SVIL: variants seen among roughly 807,000 people sequenced by gnomAD.
The protein encoded by SVIL is archvillin.
In SVIL, 101 loss-of-function variants were observed where a neutral mutation model predicts 240.4. That is an observed-to-expected ratio of 0.42 (90% confidence interval 0.36 to 0.50). SVIL has a LOEUF of 0.50. Among genes scored for constraint, SVIL ranks in the 20% least tolerant of loss-of-function variants. SVIL has a pLI of 0.01. For missense variants in SVIL, 2,512 were observed against 2,818.7 expected (o/e 0.89, Z 2.46); for synonymous variants, 999 against 1,100.0 (o/e 0.91, Z 1.82).
intron 36 of SVIL, among the ~76,000 whole-genome samples, chr10:29,461,700 G>C (rs1246315764): frequency 6.6e-6 from 1 of 152,158 alleles, no homozygotes; most frequent in Non-Finnish European, 1.5e-5. Context: ...AAACATTCTA[G>C]ATTATAATAT....
chr10:29,461,231 A>C (rs1339054513), intron 36 of SVIL, among the ~76,000 whole-genome samples: 1 of 152,124 alleles, frequency 6.6e-6, no homozygotes, highest in East Asian at 1.9e-4. Context: ...TAACTCCTGA[A>C]CTTAGACTGC....
At chr10:29,698,658 A>T (rs573115813) in intron 1 of SVIL, among the ~76,000 whole-genome samples, 1 of 152,008 alleles carries the variant, frequency 6.6e-6, no homozygotes, top group South Asian at 2.1e-4. Context: ...AAAAAATAAA[A>T]ATAAAAATAA....
At chr10:29,528,467 A>G (rs939490338) in intron 12 of SVIL, among the ~76,000 whole-genome samples, 3 of 152,194 alleles carry the variant, frequency 2.0e-5, no homozygotes, top group East Asian at 3.9e-4. Context: ...GGCTGGGTAC[A>G]GTGGCTCACG....
chr10:29,628,337 G>C (rs1176200920), intron 1 of SVIL, among the ~76,000 whole-genome samples: 2 of 152,022 alleles, frequency 1.3e-5, no homozygotes, highest in Non-Finnish European at 2.9e-5. Context: ...TTAAATTTTT[G>C]GCTGAGATAA....
At chr10:29,580,207 C>T (rs1955880400) in intron 1 of SVIL, among the ~76,000 whole-genome samples, 1 of 152,036 alleles carries the variant, frequency 6.6e-6, no homozygotes, top group Admixed American at 6.6e-5. Flanking sequence ...CATGGTGGCA[C>T]ATGCCTGCAA....
intron 3 of SVIL, among the ~76,000 whole-genome samples, chr10:29,653,792 A>G (rs952114709): frequency 2.0e-5 from 3 of 152,100 alleles, no homozygotes; most frequent in African/African-American, 7.2e-5. Flanking sequence ...TTTGTTGAAG[A>G]GATTATTTTT....
At chr10:29,538,884 G>A (rs1467422170) in intron 6 of SVIL, among the ~76,000 whole-genome samples, 1 of 152,244 alleles carries the variant, frequency 6.6e-6, no homozygotes, top group East Asian at 1.9e-4. Flanking sequence ...AAAGAGGCCA[G>A]GTGTGGTGGC....
intron 1 of SVIL, among the ~76,000 whole-genome samples, chr10:29,696,275 G>A (rs1293733226): frequency 6.6e-6 from 1 of 152,012 alleles, no homozygotes; most frequent in Non-Finnish European, 1.5e-5. Flanking sequence ...CCAGGCTGGA[G>A]TGCAGTGGCA....
chr10:29,509,361 G>GAGAGAGAGAGAGA (rs1949650727), intron 17 of SVIL, among the ~76,000 whole-genome samples: 1 of 125,526 alleles, frequency 8.0e-6, no homozygotes, highest in Non-Finnish European at 1.8e-5. Flanking sequence ...GAGAGAGAGA[G>GAGAGAGAGAGAGA]AGAGAGAGAG....
chr10:29,495,426 G>A (rs573619616), intron 18 of SVIL, among the ~76,000 whole-genome samples: 2 of 152,272 alleles, frequency 1.3e-5, no homozygotes, highest in Middle Eastern at 3.4e-3. Flanking sequence ...CAAAATGAAC[G>A]GTGGAGACGT....
At chr10:29,678,423 G>A (rs146301788) in intron 2 of SVIL, among the ~76,000 whole-genome samples, 152 of 152,146 alleles carry the variant, frequency 1.0e-3, no homozygotes, top group African/African-American at 2.7e-3. Flanking sequence ...CTGCTGATCC[G>A]ACAGGAGGCG....
chr10:29,683,456 C>T (rs948194196), intron 2 of SVIL, among the ~76,000 whole-genome samples: 30 of 152,142 alleles, frequency 2.0e-4, no homozygotes, highest in African/African-American at 7.2e-4. Flanking sequence ...GTCTGAATTC[C>T]AAAAGGGAGG....
At chr10:29,559,811 G>A (rs1026304647) in intron 3 of SVIL, among the ~76,000 whole-genome samples, 7 of 152,138 alleles carry the variant, frequency 4.6e-5, no homozygotes, top group Non-Finnish European at 8.8e-5. Context: ...CAAGTAAGGC[G>A]ATTTAAGGAA....
intron 1 of SVIL, among the ~76,000 whole-genome samples, chr10:29,734,519 G>A (rs1406022360): frequency 6.6e-6 from 1 of 152,182 alleles, no homozygotes; most frequent in Admixed American, 6.5e-5. Context: ...AACCTCCTGG[G>A]AAGAGGTTGT....
intron 9 of SVIL, among the ~76,000 whole-genome samples, chr10:29,531,754 T>G (rs1321335877): frequency 6.6e-6 from 1 of 152,074 alleles, no homozygotes; most frequent in African/African-American, 2.4e-5. Context: ...TAAAGAAAAA[T>G]AATGTTTCTT....
At chr10:29,699,242 C>T (rs540526531) in intron 1 of SVIL, among the ~76,000 whole-genome samples, 1 of 152,300 alleles carries the variant, frequency 6.6e-6, no homozygotes, top group East Asian at 1.9e-4. Flanking sequence ...AATCCTCTTG[C>T]CTCAGCCTCT....
At chr10:29,554,665 T>C in intron 5 of SVIL, 118 bp downstream of exon 5, 7 of 1,283,854 alleles carry the variant, frequency 5.5e-6, no homozygotes, top group Non-Finnish European at 7.1e-6. Flanking sequence ...AAAAAAATTA[T>C]ATCCACACAA....
intron 5 of SVIL, among the ~76,000 whole-genome samples, chr10:29,552,921 T>G (rs1953510468): frequency 6.6e-6 from 1 of 152,138 alleles, no homozygotes; most frequent in Non-Finnish European, 1.5e-5. Context: ...CCATTTCGGG[T>G]ACACTACGGT....
intron 1 of SVIL, chr10:29,711,925 T>C (rs1055479254): frequency 2.1e-5 from 3 of 145,924 alleles, no homozygotes; most frequent in Admixed American, 6.8e-5. Context: ...TGTACTAAAA[T>C]TGGAATGATA....
Sources: allele counts gnomAD v4.1 joint callset (sites outside exome capture counted in the v4.1 genomes callset), GRCh38; gene constraint gnomAD v4.1.1; transcripts MANE v1.5; gene names NCBI Gene and HGNC (gene_info 2026-07-23, HGNC 2026-07-21).